Variants in TFEC observed in about 807,000 individuals in gnomAD.
TFEC encodes the protein class E basic helix-loop-helix protein 34.
A neutral mutation model predicts 41.6 loss-of-function variants in TFEC; 31 were observed. The ratio of observed to expected loss-of-function variants is 0.74; its 90% CI spans 0.56 to 1.01. TFEC has a LOEUF of 1.01. TFEC is among the 50% of genes least tolerant of loss of function. TFEC has a pLI of 0.00. For missense variants in TFEC, 402 were observed against 404.1 expected, an observed-to-expected ratio of 0.99 and a Z score of 0.04; for synonymous variants, 143 against 140.6, an observed-to-expected ratio of 1.02 and a Z score of -0.12.
At chr7:116,012,501 A>G (rs1244336008) in intron 1 of TFEC, among the ~76,000 whole-genome samples, 10 of 152,168 alleles carry the variant, frequency 6.6e-5, no homozygotes, top group Non-Finnish European at 4.4e-5. Flanking sequence ...TTAAAAGGTC[A>G]TATTTCAAAT....
chr7:115,976,356 C>T (rs1793378992), intron 2 of TFEC, among the ~76,000 whole-genome samples: 1 of 152,126 alleles, frequency 6.6e-6, no homozygotes, highest in Non-Finnish European at 1.5e-5. Flanking sequence ...ACCCCGGAGG[C>T]AGAGTCTACA....
rs184963346 is a variant in TFEC, at chr7:115,993,406, G to T, written c.-72-8893C>A. On this transcript the variant is annotated intron_variant, in intron 1 of 7. Coordinates refer to ENST00000265440, the MANE Select transcript of TFEC (RefSeq NM_012252.4). ...AAAGGGTATTCAATTAGGAAAAGAG[G>T]AAGTCAAATTGTCCCTGTTTGCAGA... Among the ~76,000 whole-genome samples, 122 of 152,278 alleles carry T rather than the reference G, an allele frequency of 8.0e-4. No homozygotes were observed. The Middle Eastern group carries it at 0.051, about 64-fold the overall frequency.
intron 3 of TFEC, among the ~76,000 whole-genome samples, chr7:116,066,146 T>A (rs1445185120): frequency 1.3e-5 from 2 of 152,124 alleles, no homozygotes; most frequent in Non-Finnish European, 2.9e-5. Context: ...CTATCCCTAT[T>A]GAGGAGATGA....
intron 3 of TFEC, among the ~76,000 whole-genome samples, chr7:115,957,258 A>C (rs1262634749): frequency 6.6e-6 from 1 of 151,896 alleles, no homozygotes; most frequent in Admixed American, 6.6e-5. Context: ...CCAGCAACTC[A>C]CAGTCAAGAG....
At chr7:115,971,556 C>T (rs1793135808) in intron 3 of TFEC, among the ~76,000 whole-genome samples, 1 of 151,886 alleles carries the variant, frequency 6.6e-6, no homozygotes, top group Non-Finnish European at 1.5e-5. Flanking sequence ...AGCAAAAAGC[C>T]TTCTCTTTCT....
At chr7:116,060,191 A>AT (rs750948730) in intron 3 of TFEC, among the ~76,000 whole-genome samples, 251 of 93,484 alleles carry the variant, frequency 2.7e-3, no homozygotes, top group Non-Finnish European at 4.2e-3. Context: ...GTAATTTTAG[A>AT]TTTAAAAGTA....
At chr7:116,133,958 A>C (rs893310787) in intron 1 of TFEC, among the ~76,000 whole-genome samples, 2 of 152,338 alleles carry the variant, frequency 1.3e-5, no homozygotes, top group East Asian at 1.9e-4. Flanking sequence ...TTAGATCAAC[A>C]TAAGCTCCTG....
At chr7:115,951,020 T>C (rs1791910828) in intron 5 of TFEC, 71 bp from the exon 6 acceptor site, 1 of 871,662 alleles carries the variant, frequency 1.1e-6, no homozygotes, top group East Asian at 3.0e-5. Context: ...TGTAAACATT[T>C]TTAACAATCT....
At chr7:115,970,050 AT>A (rs1421876795) in intron 3 of TFEC, among the ~76,000 whole-genome samples, 31 of 152,010 alleles carry the variant, frequency 2.0e-4, no homozygotes, top group African/African-American at 7.5e-4. Flanking sequence ...AGTCTGGCAT[AT>A]AGGGGATTGA....
intron 1 of TFEC, among the ~76,000 whole-genome samples, chr7:116,137,508 T>C (rs1286739630): frequency 6.6e-6 from 1 of 152,158 alleles, no homozygotes; most frequent in East Asian, 1.9e-4. Context: ...AGCAGCTATT[T>C]TATGTCTTTG....
At chr7:116,057,052 T>G (rs1796448391) in intron 3 of TFEC, among the ~76,000 whole-genome samples, 1 of 151,964 alleles carries the variant, frequency 6.6e-6, no homozygotes, top group Non-Finnish European at 1.5e-5. Flanking sequence ...AACAGCAGAT[T>G]CACTACTGCA....
chr7:116,138,119 A>G (rs1490159428), intron 1 of TFEC, among the ~76,000 whole-genome samples: 1 of 152,144 alleles, frequency 6.6e-6, no homozygotes, highest in African/African-American at 2.4e-5. Context: ...TGATAATGAG[A>G]TATTTTCCAT....
intron 1 of TFEC, among the ~76,000 whole-genome samples, chr7:116,112,493 C>T (rs73220456): frequency 0.021 from 3,198 of 152,024 alleles, 46 homozygotes; most frequent in Non-Finnish European, 0.03. Context: ...ATAATACAAA[C>T]TCCAAAATTA....
chr7:116,048,968 G>A (rs944741917), intron 3 of TFEC, among the ~76,000 whole-genome samples: 5 of 152,132 alleles, frequency 3.3e-5, no homozygotes, highest in African/African-American at 1.2e-4. Flanking sequence ...CCTTACAAGA[G>A]CTCCTGAAGG....
At chr7:116,092,890 T>C (rs1797362341) in intron 3 of TFEC, among the ~76,000 whole-genome samples, 1 of 152,132 alleles carries the variant, frequency 6.6e-6, no homozygotes, top group South Asian at 2.1e-4. Context: ...GTCTGACCAT[T>C]ACTTTAGGAC....
At chr7:116,116,187 G>C (rs944618628) in intron 1 of TFEC, among the ~76,000 whole-genome samples, 2 of 151,840 alleles carry the variant, frequency 1.3e-5, no homozygotes, top group Admixed American at 6.6e-5. Flanking sequence ...CTATGTTAGA[G>C]ACATCGACCA....
rs73460617 is a variant in TFEC at position 115,996,405 on chromosome 7, G to A, written c.-72-11892C>T. Among the ~76,000 whole-genome samples, 603 of 151,994 alleles carry A rather than the reference G, an allele frequency of 4.0e-3. 5 individuals carry two copies. Among genetic ancestry groups the A allele is most frequent in the African/African-American group, 0.014 (562 of 41,452 alleles). On this transcript the variant is annotated intron_variant, in intron 1 of 7. Transcript: ENST00000265440. ...TCTTTAAAATGCTAATTAGACCCTG[G>A]GCCCTGAATAATCAGCAGTACTACC...
chr7:115,967,706 T>C (rs1430652351), intron 3 of TFEC, among the ~76,000 whole-genome samples: 1 of 151,816 alleles, frequency 6.6e-6, no homozygotes, highest in Non-Finnish European at 1.5e-5. Flanking sequence ...AGATCCCCTG[T>C]CCTTGGTGAG....
At chr7:115,996,700 A>G (rs114400586) in intron 1 of TFEC, among the ~76,000 whole-genome samples, 10 of 152,044 alleles carry the variant, frequency 6.6e-5, no homozygotes, top group Non-Finnish European at 1.0e-4. Context: ...AGGGAAGCCC[A>G]CTGCACTAAA....
Sources: gnomAD v4.1 joint callset for allele counts (sites outside exome capture counted in the v4.1 genomes callset) on GRCh38, gnomAD v4.1.1 for gene constraint, MANE v1.5 for transcripts, NCBI Gene and HGNC (gene_info 2026-07-23, HGNC 2026-07-21) for gene names.